The following TAS1R1 variants were observed in gnomAD, a reference collection of about 807,000 sequenced individuals.
TAS1R1 encodes taste 1 receptor member 1.
A neutral mutation model predicts 45.8 loss-of-function variants in TAS1R1; 31 were observed. The observed-to-expected ratio is 0.68, with a 90% CI of 0.51 to 0.91. TAS1R1 has a LOEUF of 0.91. Ranked by LOEUF, TAS1R1 falls within the 40% of genes least tolerant of loss-of-function variation. The probability of loss-of-function intolerance (pLI) is 0.00; values close to 1 mark genes in which losing one functional copy is unlikely to be tolerated. For synonymous variants in TAS1R1, 437 were observed against 448.4 expected, an observed-to-expected ratio of 0.97 and a Z score of 0.32; for missense variants, 1,051 against 1,063.9, an observed-to-expected ratio of 0.99 and a Z score of 0.17.
chr1:6,572,318 G>A (rs1359504661), intron 2 of TAS1R1, among the ~76,000 whole-genome samples: 2 of 149,076 alleles, frequency 1.3e-5, no homozygotes, highest in Non-Finnish European at 3.0e-5. Flanking sequence ...ACTCAGGCTG[G>A]AGTGCAGTGG....
At chr1:6,565,180 G>A (rs1639853312) in intron 1 of TAS1R1, among the ~76,000 whole-genome samples, 1 of 152,116 alleles carries the variant, frequency 6.6e-6, no homozygotes, top group Non-Finnish European at 1.5e-5. Context: ...TGGGTGGGAG[G>A]AGAGGAAGAT....
At position 6,579,513 on chromosome 1, in the gene TAS1R1, C is replaced by A; in HGVS notation, c.2455C>A (p.Pro819Thr). 1 of 1,613,804 alleles carries A rather than the reference C, an allele frequency of 6.2e-7. No individual in the cohort carries two copies. Reference sequence around the variant, plus strand: ...TAAGTGCTACGTGATCCTCTGCCGCCCAGACCTCAACAGCACAGAGCACTT... The same window carrying A: ...TAAGTGCTACGTGATCCTCTGCCGCACAGACCTCAACAGCACAGAGCACTT... ...LPKCYVILCR[P>T]DLNSTEHFQA... The change falls in exon 6 of 6, where the codon CCA becomes ACA. Residue 819 changes from proline to threonine, a missense_variant. Pro to Thr is a conservative substitution (Grantham distance 38). Transcript: ENST00000333172.
At chr1:6,564,987 C>T (rs576603875) in intron 1 of TAS1R1, among the ~76,000 whole-genome samples, 5 of 150,436 alleles carry the variant, frequency 3.3e-5, no homozygotes, top group African/African-American at 9.8e-5. Context: ...TCTCTTAGTG[C>T]GGTGAATAGG....
chr1:6,565,343 G>A (rs911783951), intron 1 of TAS1R1, among the ~76,000 whole-genome samples: 1 of 152,100 alleles, frequency 6.6e-6, no homozygotes, highest in Non-Finnish European at 1.5e-5. Flanking sequence ...TATGTGGGCT[G>A]TCGGTGGTGT....
rs1247252608 is a variant in TAS1R1, at chr1:6,575,358, G to C, written c.1226G>C (p.Gly409Ala). The C allele has an allele frequency of 6.3e-7, 1 of 1,591,608 alleles. No individual in the cohort carries two copies. The highest frequency in any genetic ancestry group is 8.5e-7 in the Non-Finnish European group (1 of 1,170,378). The change falls in exon 3 of 6, where the codon GGA becomes GCA. Residue 409 changes from glycine (G) to alanine (A), a missense_variant. By Grantham distance (60) the Gly-to-Ala change is moderately conservative (BLOSUM62 0). Transcript: ENST00000333172. Reference protein sequence around the residue: ...GLHQLLGCASGACSRGRVYPW... With the variant: ...GLHQLLGCASAACSRGRVYPW... Reference sequence around the variant, plus strand: ...CACCAGCTCCTGGGCTGTGCCTCTGGAGCTTGTTCCAGGGGCCGAGTCTAC... The same window carrying C: ...CACCAGCTCCTGGGCTGTGCCTCTGCAGCTTGTTCCAGGGGCCGAGTCTAC...
chr1:6,561,390 A>T (rs1317733373), intron 1 of TAS1R1, among the ~76,000 whole-genome samples: 1 of 152,170 alleles, frequency 6.6e-6, no homozygotes, highest in African/African-American at 2.4e-5. Flanking sequence ...CTAAACCTCA[A>T]CAGTTTTGAA....
At chr1:6,564,412 T>C (rs1225672833) in intron 1 of TAS1R1, among the ~76,000 whole-genome samples, 3 of 152,104 alleles carry the variant, frequency 2.0e-5, no homozygotes, top group Non-Finnish European at 4.4e-5. Flanking sequence ...GGGGGCCTGT[T>C]TTGTAAGAGG....
chr1:6,557,376 C>A (rs990457170), intron 1 of TAS1R1, among the ~76,000 whole-genome samples: 14 of 152,134 alleles, frequency 9.2e-5, no homozygotes, highest in Non-Finnish European at 1.8e-4. Flanking sequence ...GACCTTCTAA[C>A]AAGCAAGAGG....
chr1:6,568,460 A>C (rs1350431350), intron 1 of TAS1R1, among the ~76,000 whole-genome samples: 33 of 145,802 alleles, frequency 2.3e-4, no homozygotes, highest in Admixed American at 2.2e-3. Flanking sequence ...GTCTCAAAAA[A>C]GAAAAAAAAA....
intron 2 of TAS1R1, 145 bp downstream of exon 2, chr1:6,571,360 T>A (rs1288879168): frequency 1.1e-5 from 9 of 854,412 alleles, no homozygotes; most frequent in Non-Finnish European, 1.6e-5. Context: ...AAGTCAGGGG[T>A]CCCTGCCCAG....
At chr1:6,559,144 C>G (rs149740949) in intron 1 of TAS1R1, among the ~76,000 whole-genome samples, 1 of 152,012 alleles carries the variant, frequency 6.6e-6, no homozygotes, top group Non-Finnish European at 1.5e-5. Flanking sequence ...CCACCCGCCT[C>G]GGCCTCCCAA....
chr1:6,564,234 C>T (rs896471789), intron 1 of TAS1R1, among the ~76,000 whole-genome samples: 33 of 152,050 alleles, frequency 2.2e-4, no homozygotes, highest in African/African-American at 8.0e-4. Flanking sequence ...CCCACTTAGA[C>T]CTGGGGCTGG....
chr1:6,566,401 A>G (rs1639872302), intron 1 of TAS1R1, among the ~76,000 whole-genome samples: 1 of 152,102 alleles, frequency 6.6e-6, no homozygotes, highest in Non-Finnish European at 1.5e-5. Flanking sequence ...TACAGGGTGA[A>G]TAGGAGGACT....
intron 3 of TAS1R1, 136 bp from the exon 4 acceptor site, chr1:6,576,279 A>G (rs1405753691): frequency 5.2e-6 from 4 of 773,658 alleles, no homozygotes; most frequent in African/African-American, 1.7e-5. Context: ...GGGGCTTCCT[A>G]AGAAGGAAGG....
At chr1:6,570,361 A>T (rs1639978749) in intron 1 of TAS1R1, among the ~76,000 whole-genome samples, 1 of 151,492 alleles carries the variant, frequency 6.6e-6, no homozygotes, top group Admixed American at 6.6e-5. Flanking sequence ...GTGGTGAGAA[A>T]AGGAGGGGAT....
chr1:6,563,432 T>C (rs1639820856), intron 1 of TAS1R1, among the ~76,000 whole-genome samples: 3 of 152,224 alleles, frequency 2.0e-5, no homozygotes, highest in Admixed American at 2.0e-4. Context: ...AAAGTTGTAC[T>C]ATGCGCCGTG....
chr1:6,567,376 C>G (rs938698621), intron 1 of TAS1R1, among the ~76,000 whole-genome samples: 1 of 151,774 alleles, frequency 6.6e-6, no homozygotes, highest in East Asian at 1.9e-4. Flanking sequence ...CTGGCTAACA[C>G]GGTGAAACCC....
In TAS1R1 at chr1:6,578,944, C is replaced by T; in HGVS notation, c.1886C>T (p.Pro629Leu). The T allele has an allele frequency of 6.2e-7, 1 of 1,614,064 alleles. No individual in the cohort carries two copies. Among genetic ancestry groups the T allele is most frequent in the Non-Finnish European group, 8.5e-7 (1 of 1,179,960 alleles). Residue 629 changes from proline (P) to leucine (L), a missense_variant, in exon 6 of 6, where the codon CCT (proline) becomes CTT (leucine). Coordinates refer to ENST00000333172, the MANE Select transcript of TAS1R1 (RefSeq NM_138697.4). The part of the protein sequence containing the change: ...LYGFFGEPTR[P>L]ACLLRQALFA... ...GGCTTCTTTGGGGAACCCACAAGGC[C>T]TGCGTGCTTGCTACGCCAGGCCCTC...
At position 6,576,550 on chromosome 1, in the gene TAS1R1, C is replaced by G. The variant is rs200409038; in HGVS notation, c.1396C>G (p.Leu466Val). The G allele has an allele frequency of 5.8e-5, 94 of 1,614,108 alleles. No individual in the cohort carries two copies. The highest frequency in any genetic ancestry group is 7.4e-5 in the Non-Finnish European group (87 of 1,180,058). The part of the protein sequence containing the change: ...WNGPKWTFTV[L>V]GSSTWSPVQL... ...TGGACCCAAGTGGACCTTCACGGTC[C>G]TCGGTTCCTCCACATGGTCTCCAGT... is the stretch of plus-strand genomic sequence containing the variant. Residue 466 changes from leucine to valine, a missense_variant, in exon 4 of 6, where the codon CTC (leucine) becomes GTC (valine). Coordinates refer to ENST00000333172, the MANE Select transcript of TAS1R1 (RefSeq NM_138697.4).
Sources: allele counts gnomAD v4.1 joint callset (sites outside exome capture counted in the v4.1 genomes callset), GRCh38; gene constraint gnomAD v4.1.1; transcripts MANE v1.5; gene names NCBI Gene and HGNC (gene_info 2026-07-23, HGNC 2026-07-21).